Variants in ADAMTS16 observed in about 807,000 individuals in gnomAD.
The protein encoded by ADAMTS16 is ADAM metallopeptidase with thrombospondin type 1 motif 16, also known as A disintegrin and metalloproteinase with thrombospondin motifs 16.
ADAMTS16 carries 94 observed loss-of-function variants against 145.8 expected under a neutral mutation model. The ratio of observed to expected loss-of-function variants is 0.64; its 90% CI spans 0.55 to 0.77. The LOEUF (loss-of-function observed/expected upper bound fraction) is 0.77. Ranked by LOEUF, ADAMTS16 falls within the 30% of genes least tolerant of loss-of-function variation. ADAMTS16 has a pLI of 0.00. For synonymous variants in ADAMTS16, 659 were observed against 604.3 expected (o/e 1.09, Z -1.33); for missense variants, 1,585 against 1,591.5 (o/e 1.00, Z 0.07).
At chr5:5,212,089 T>C (rs1211186029) in intron 10 of ADAMTS16, among the ~76,000 whole-genome samples, 1 of 152,158 alleles carries the variant, frequency 6.6e-6, no homozygotes, top group Admixed American at 6.6e-5. Context: ...ATCCATCATA[T>C]TTCCTACTTG....
chr5:5,251,568 G>T (rs962810059), intron 17 of ADAMTS16, among the ~76,000 whole-genome samples: 1 of 152,236 alleles, frequency 6.6e-6, no homozygotes, highest in Admixed American at 6.5e-5. Context: ...AAATATGTGT[G>T]CATGTGACAC....
intron 18 of ADAMTS16, among the ~76,000 whole-genome samples, chr5:5,287,962 C>T (rs1739164868): frequency 6.6e-6 from 1 of 152,120 alleles, no homozygotes; most frequent in Non-Finnish European, 1.5e-5. Flanking sequence ...GGAAAAAAAT[C>T]TCAGAAAAAC....
At chr5:5,198,667 G>A (rs1735873426) in intron 8 of ADAMTS16, among the ~76,000 whole-genome samples, 1 of 152,132 alleles carries the variant, frequency 6.6e-6, no homozygotes, top group Non-Finnish European at 1.5e-5. Flanking sequence ...CTGTAAAATG[G>A]TGCGTGCTTA....
intron 3 of ADAMTS16, among the ~76,000 whole-genome samples, chr5:5,148,849 G>A (rs1442530863): frequency 9.9e-5 from 15 of 152,270 alleles, no homozygotes; most frequent in Non-Finnish European, 1.0e-4. Flanking sequence ...AGTCCCTTAC[G>A]GGGGAGGAAA....
chr5:5,268,599 G>A (rs1387600165), intron 18 of ADAMTS16, among the ~76,000 whole-genome samples: 2 of 152,132 alleles, frequency 1.3e-5, no homozygotes, highest in African/African-American at 2.4e-5. Flanking sequence ...TATCCCTCAA[G>A]GTCCATTTCT....
chr5:5,297,749 G>T (rs1350003936), intron 18 of ADAMTS16, among the ~76,000 whole-genome samples: 1 of 152,196 alleles, frequency 6.6e-6, no homozygotes. Context: ...GACGCCCACA[G>T]CGCTGCCTTT....
chr5:5,194,097 G>C (rs1261237779), intron 8 of ADAMTS16, among the ~76,000 whole-genome samples: 2 of 151,642 alleles, frequency 1.3e-5, no homozygotes, highest in African/African-American at 4.8e-5. Flanking sequence ...ATGAGACCCT[G>C]TATAAAAAAA....
chr5:5,257,493 A>C (rs1258790438), intron 17 of ADAMTS16, among the ~76,000 whole-genome samples: 1 of 152,244 alleles, frequency 6.6e-6, no homozygotes, highest in Non-Finnish European at 1.5e-5. Flanking sequence ...CTGGGATGTA[A>C]TGCAAATTGC....
intron 20 of ADAMTS16, among the ~76,000 whole-genome samples, chr5:5,305,840 G>A (rs909227673): frequency 4.6e-5 from 7 of 152,310 alleles, no homozygotes; most frequent in South Asian, 2.1e-4. Flanking sequence ...GAGACCCTCC[G>A]CGCCCAGTCT....
At chr5:5,277,426 C>G (rs900162685) in intron 18 of ADAMTS16, among the ~76,000 whole-genome samples, 1 of 152,168 alleles carries the variant, frequency 6.6e-6, no homozygotes, top group African/African-American at 2.4e-5. Flanking sequence ...CGCTTGCTCA[C>G]CAGGCTGACC....
chr5:5,286,989 A>G (rs1739131843), intron 18 of ADAMTS16, among the ~76,000 whole-genome samples: 1 of 152,148 alleles, frequency 6.6e-6, no homozygotes, highest in Non-Finnish European at 1.5e-5. Flanking sequence ...CAGAAATAAC[A>G]ATCTGAAGGT....
intron 3 of ADAMTS16, among the ~76,000 whole-genome samples, chr5:5,151,096 T>G (rs1172365615): frequency 6.6e-6 from 1 of 152,172 alleles, no homozygotes; most frequent in East Asian, 1.9e-4. Context: ...CTCATAAATT[T>G]TACATTGTGT....
intron 9 of ADAMTS16, among the ~76,000 whole-genome samples, chr5:5,205,124 G>T (rs1014915373): frequency 6.6e-6 from 1 of 151,224 alleles, no homozygotes; most frequent in East Asian, 1.9e-4. Flanking sequence ...TGAGAGTATT[G>T]TATACATTCT....
intron 11 of ADAMTS16, among the ~76,000 whole-genome samples, chr5:5,230,286 A>C (rs907807642): frequency 6.6e-6 from 1 of 152,346 alleles, no homozygotes; most frequent in East Asian, 1.9e-4. Flanking sequence ...AGCTGAATGC[A>C]ATAAACGAAC....
At chr5:5,213,066 C>A (rs1031643086) in intron 10 of ADAMTS16, among the ~76,000 whole-genome samples, 1 of 152,220 alleles carries the variant, frequency 6.6e-6, no homozygotes, top group Non-Finnish European at 1.5e-5. Context: ...ACAAATAAAT[C>A]CATGCATCCC....
At position 5,140,333 on chromosome 5, in the gene ADAMTS16, A is replaced by T; in HGVS notation, c.-135A>T. The T allele has an allele frequency of 1.1e-6, 1 of 897,098 alleles. No homozygotes were observed. Among genetic ancestry groups the T allele is most frequent in the Non-Finnish European group, 1.6e-6 (1 of 643,826 alleles). The allele number at this position is 897,098 out of a possible 1,614,324, so 55.6% of individuals were successfully genotyped here. A position where few individuals can be genotyped will look rare whatever the true frequency, so the allele number is the denominator to read the frequency against. On this transcript the variant is annotated 5_prime_UTR_variant, in exon 1 of 23. Transcript: ENST00000274181. ...CCCCCGCGCCGCACGGAGCTTCAGT[A>T]ATAACCCCGGCGCGGCGGCGGAGTC... is the stretch of plus-strand genomic sequence containing the variant.
chr5:5,187,902 C>T, intron 6 of ADAMTS16, 94 bp downstream of exon 6: 3 of 822,738 alleles, frequency 3.6e-6, no homozygotes, highest in Non-Finnish European at 5.7e-6. Flanking sequence ...TCTATGGGTT[C>T]TTCTCTCTCG....
intron 21 of ADAMTS16, among the ~76,000 whole-genome samples, chr5:5,309,208 A>T (rs903492430): frequency 1.3e-5 from 2 of 152,208 alleles, no homozygotes; most frequent in African/African-American, 2.4e-5. Context: ...TGCAGCCTAC[A>T]CACATCCTCC....
chr5:5,312,568 C>A (rs1740503367), intron 21 of ADAMTS16, among the ~76,000 whole-genome samples: 1 of 152,060 alleles, frequency 6.6e-6, no homozygotes, highest in Non-Finnish European at 1.5e-5. Flanking sequence ...CTGCCTCAGC[C>A]TTCCAAATAG....
Sources: allele counts gnomAD v4.1 joint callset (sites outside exome capture counted in the v4.1 genomes callset), GRCh38; gene constraint gnomAD v4.1.1; transcripts MANE v1.5; gene names NCBI Gene and HGNC (gene_info 2026-07-23, HGNC 2026-07-21).